The following CROT variants were observed in gnomAD, a reference collection of about 807,000 sequenced individuals.
CROT encodes the protein peroxisomal carnitine O-octanoyltransferase.
Under a neutral mutation model 89.2 loss-of-function variants are expected in CROT, and 84 were observed. The ratio of observed to expected loss-of-function variants is 0.94; its 90% CI spans 0.79 to 1.13. The LOEUF is 1.13. Ranked by LOEUF, CROT falls within the 50% of genes most tolerant of loss-of-function variation. The probability of loss-of-function intolerance (pLI) is 0.00; values close to 1 mark genes in which losing one functional copy is unlikely to be tolerated. For synonymous variants in CROT, 212 were observed against 239.5 expected, an observed-to-expected ratio of 0.89 and a Z score of 1.06; for missense variants, 711 against 727.8, an observed-to-expected ratio of 0.98 and a Z score of 0.27.
chr7:87,375,815 C>T lies in CROT; in HGVS notation c.751-13C>T. On this transcript the variant is annotated splice_polypyrimidine_tract_variant and intron_variant, in intron 8 of 17. Coordinates refer to ENST00000331536, the MANE Select transcript of CROT (RefSeq NM_021151.4). ...CAGTTGTAATATTTGATCATCATCT[C>T]CTTGCCCTTTAGGCACGAGAATATC... is the stretch of plus-strand genomic sequence containing the variant. 1.2e-6 allele frequency: 2 copies of T among 1,613,088 alleles called. No homozygotes were observed. Among genetic ancestry groups the T allele is most frequent in the Non-Finnish European group, 1.7e-6 (2 of 1,179,422 alleles).
In CROT at chr7:87,369,423, C is replaced by T. The variant is rs764310325; in HGVS notation, c.595C>T (p.Arg199Ter). Residue 199 changes from arginine to a stop codon, truncating the protein, a stop_gained, in exon 7 of 18, where the codon CGA becomes TGA. Transcript: ENST00000331536. LOFTEE classifies it high-confidence loss of function. ...CCACATTGTAGTGCTGTGTCGAGGC[C>T]GAGCTTTTGTCTTTGATGTAATACA... ...PNHIVVLCRG[R>*]AFVFDVIHEG... 31 of 1,612,938 alleles carry T rather than the reference C, an allele frequency of 1.9e-5. No homozygotes were observed. The highest frequency in any genetic ancestry group is 2.4e-5 in the Non-Finnish European group (28 of 1,179,542).
At chr7:87,376,665 CT>C in intron 9 of CROT, among the ~76,000 whole-genome samples, 1 of 148,580 alleles carries the variant, frequency 6.7e-6, no homozygotes, top group African/African-American at 2.5e-5. Context: ...CACCAGACTT[CT>C]TTTTAAGGAA....
intron 10 of CROT, among the ~76,000 whole-genome samples, chr7:87,381,417 A>G (rs1806998654): frequency 6.6e-6 from 1 of 152,168 alleles, no homozygotes. Context: ...GGACATTCAT[A>G]TGTATAAAAA....
rs1420567626 is a variant in CROT, at chr7:87,361,733, A to C, written c.428A>C (p.Lys143Thr). 6.3e-7 allele frequency: 1 copy of C among 1,575,256 alleles called. No homozygotes were observed. The highest frequency in any genetic ancestry group is 8.6e-7 in the Non-Finnish European group (1 of 1,166,420). Residue 143 changes from lysine to threonine, a missense_variant, in exon 6 of 18, where the codon AAA (lysine) becomes ACA (threonine). Physicochemically the swap from Lys to Thr is moderately conservative, Grantham distance 78 (BLOSUM62 -1). Coordinates refer to ENST00000331536, the MANE Select transcript of CROT (RefSeq NM_021151.4). Reference protein sequence around the residue: ...LNYWQLLRKEKVPVHKVGNTP... With the variant: ...LNYWQLLRKETVPVHKVGNTP... ...CAAAATCCTTTTTTTAATAGAGAAA[A>C]AGTGCCTGTTCATAAAGTTGGAAAT...
chr7:87,374,574 T>G (rs1806745283), intron 7 of CROT, among the ~76,000 whole-genome samples: 1 of 152,042 alleles, frequency 6.6e-6, no homozygotes, highest in Non-Finnish European at 1.5e-5. Context: ...AAATCAGTAG[T>G]TACTAAAGAA....
At chr7:87,369,965 C>T (rs1276912097) in intron 7 of CROT, among the ~76,000 whole-genome samples, 1 of 144,216 alleles carries the variant, frequency 6.9e-6, no homozygotes, top group Admixed American at 6.8e-5. Context: ...CATCTCCTAA[C>T]TTCAACAGTT....
chr7:87,373,068 G>A (rs1047318850), intron 7 of CROT, among the ~76,000 whole-genome samples: 1 of 152,064 alleles, frequency 6.6e-6, no homozygotes, highest in African/African-American at 2.4e-5. Flanking sequence ...TTTCCAAAAT[G>A]GCGCAGTATA....
intron 13 of CROT, among the ~76,000 whole-genome samples, chr7:87,387,437 C>A (rs1296827448): frequency 6.6e-6 from 1 of 151,226 alleles, no homozygotes; most frequent in Admixed American, 6.6e-5. Context: ...AAAATTGCTT[C>A]ATTTTATTTC....
chr7:87,357,612 G>T, intron 3 of CROT: 1 of 927,850 alleles, frequency 1.1e-6, no homozygotes. Context: ...AGTGCAGTGA[G>T]AAGAGACAGC....
intron 13 of CROT, among the ~76,000 whole-genome samples, chr7:87,390,237 C>T (rs73196430): frequency 6.6e-6 from 1 of 152,136 alleles, no homozygotes; most frequent in Non-Finnish European, 1.5e-5. Flanking sequence ...TCTTTGCTTT[C>T]TACTCCATCT....
In CROT at chr7:87,359,317, G is replaced by T; in HGVS notation, c.227G>T (p.Gly76Val). ...CAGAAATTGCTTGAAAGAGCAAAAGGAAAAAGAAATTGGGTATTTGTTGTT... is the reference window on the plus strand; with the variant it reads ...CAGAAATTGCTTGAAAGAGCAAAAGTAAAAAGAAATTGGGTATTTGTTGTT... Reference protein sequence around the residue: ...LHQKLLERAKGKRNWLEEWWL... With the variant: ...LHQKLLERAKVKRNWLEEWWL... The change falls in exon 4 of 18, where the codon GGA (glycine) becomes GTA (valine). Residue 76 changes from glycine (G) to valine (V), a missense_variant. Gly to Val is a moderately radical substitution (Grantham distance 109). Transcript: ENST00000331536. 1 of 1,598,272 alleles carries T rather than the reference G, an allele frequency of 6.3e-7. No individual in the cohort carries two copies. The highest frequency in any genetic ancestry group is 1.1e-5 in the South Asian group (1 of 88,420).
chr7:87,379,125 G>A (rs1227935920), intron 10 of CROT, among the ~76,000 whole-genome samples: 1 of 152,078 alleles, frequency 6.6e-6, no homozygotes, highest in Non-Finnish European at 1.5e-5. Context: ...TTGTAAGGTG[G>A]TTAACTGCCC....
intron 17 of CROT, among the ~76,000 whole-genome samples, chr7:87,394,037 G>T (rs1456099113): frequency 6.6e-6 from 1 of 152,074 alleles, no homozygotes; most frequent in Non-Finnish European, 1.5e-5. Context: ...ACTATACAAA[G>T]TTGAAATTTA....
intron 3 of CROT, among the ~76,000 whole-genome samples, chr7:87,353,904 G>A (rs1237528775): frequency 6.6e-6 from 1 of 152,176 alleles, no homozygotes; most frequent in Non-Finnish European, 1.5e-5. Flanking sequence ...GAGATTTGGA[G>A]GGGACATCCA....
At chr7:87,347,486 A>T (rs909408461) in intron 2 of CROT, among the ~76,000 whole-genome samples, 1 of 152,230 alleles carries the variant, frequency 6.6e-6, no homozygotes, top group Non-Finnish European at 1.5e-5. Flanking sequence ...CTGTACTTGG[A>T]TCCAGATCTA....
rs144144268 is a variant in CROT, at chr7:87,377,366, T to C, written c.894T>C (p.Leu298=). ...EDYSEIIAAI[L]IGDPTVRWGD... is the part of the protein sequence containing the mutation. The stretch of plus-strand genomic sequence containing the variant: ...TATTTTAGATTATTGCAGCCATCCT[T>C]ATTGGAGATCCAACAGTACGCTGGG... The change falls in exon 10 of 18, where the codon CTT becomes CTC. Residue 298 remains leucine (L), a synonymous_variant. Coordinates refer to ENST00000331536, the MANE Select transcript of CROT (RefSeq NM_021151.4). 3 of 1,605,984 alleles carry C rather than the reference T, an allele frequency of 1.9e-6. No individual in the cohort carries two copies. The African/African-American group carries it at 4.0e-5, about 21-fold the overall frequency.
At chr7:87,387,676 G>A (rs1807224920) in intron 13 of CROT, among the ~76,000 whole-genome samples, 1 of 152,308 alleles carries the variant, frequency 6.6e-6, no homozygotes, top group South Asian at 2.1e-4. Flanking sequence ...AGGAGGCTGG[G>A]CATGGTGGCT....
In CROT at chr7:87,375,676, G is replaced by A. The variant is rs1806787727; in HGVS notation, c.701G>A (p.Gly234Glu). 1.2e-6 allele frequency: 2 copies of A among 1,613,420 alleles called. No individual in the cohort carries two copies. The highest frequency in any genetic ancestry group is 1.7e-5 in the Admixed American group (1 of 59,958). Residue 234 changes from glycine to glutamate, a missense_variant, in exon 8 of 18, where the codon GGA becomes GAA. By Grantham distance (98) the Gly-to-Glu change is moderately conservative (BLOSUM62 -2). Transcript: ENST00000331536. ...AAGAAGTGCCATAGTGAACCTGATGGACCTGGGATTGCAGCATTAACTAGT... is the reference window on the plus strand; with the variant it reads ...AAGAAGTGCCATAGTGAACCTGATGAACCTGGGATTGCAGCATTAACTAGT... ...IHKKCHSEPD[G>E]PGIAALTSEE...
rs1476258526 is a variant in CROT, at chr7:87,358,355, G to A, written c.116-851G>A. Among the ~76,000 whole-genome samples the A allele has an allele frequency of 1.5e-4, 22 of 150,680 alleles. 1 individual carries two copies. The highest frequency in any genetic ancestry group is 3.9e-4 in the East Asian group (2 of 5,130). ...AAAAGAGCCAGGAGTGGTGGCGGGC[G>A]CCTGTATTCCCAGCTACTCGGGAGG... On this transcript the variant is annotated intron_variant, in intron 3 of 17. Transcript: ENST00000331536.
Sources: gnomAD v4.1 joint callset for allele counts (sites outside exome capture counted in the v4.1 genomes callset) on GRCh38, gnomAD v4.1.1 for gene constraint, MANE v1.5 for transcripts, NCBI Gene and HGNC (gene_info 2026-07-23, HGNC 2026-07-21) for gene names.